Variants in LONP2 observed in about 807,000 individuals in gnomAD.
The protein encoded by LONP2 is lon protease homolog 2, peroxisomal.
LONP2 carries 60 observed loss-of-function variants against 85.6 expected under a neutral mutation model. The ratio of observed to expected loss-of-function variants is 0.70; its 90% CI spans 0.57 to 0.87. LONP2 has a LOEUF of 0.87. Ranked by LOEUF, LONP2 falls within the 40% of genes least tolerant of loss-of-function variation. LONP2 has a pLI of 0.00. For missense variants in LONP2, 860 were observed against 1,063.5 expected (o/e 0.81, Z 2.66); for synonymous variants, 395 against 389.7 (o/e 1.01, Z -0.16).
rs1960167261 is a variant in LONP2 at position 48,351,982 on chromosome 16, A to C, written c.*180A>C. On this transcript the variant is annotated 3_prime_UTR_variant, in exon 15 of 15. Transcript: ENST00000285737. ...GTATAGAAATATAAGATGTTGATTT[A>C]GTAAACTGATAAAAATCGAATTCTT... 3.3e-6 allele frequency: 2 copies of C among 601,232 alleles called. No homozygotes were observed. Among genetic ancestry groups the C allele is most frequent in the Admixed American group, 5.9e-5 (2 of 33,676 alleles). The allele number at this position is 601,232 out of a possible 1,614,324, so 37.2% of individuals were successfully genotyped here. A position where few individuals can be genotyped will look rare whatever the true frequency, so the allele number is the denominator to read the frequency against.
At chr16:48,287,103 G>A (rs935293626) in intron 8 of LONP2, among the ~76,000 whole-genome samples, 3 of 152,136 alleles carry the variant, frequency 2.0e-5, no homozygotes, top group Non-Finnish European at 4.4e-5. Flanking sequence ...TAAGTACCTG[G>A]ACAGTAGCTC....
intron 1 of LONP2, among the ~76,000 whole-genome samples, chr16:48,246,612 C>T (rs967282881): frequency 6.6e-6 from 1 of 152,116 alleles, no homozygotes; most frequent in Non-Finnish European, 1.5e-5. Flanking sequence ...ATTCTGTCTC[C>T]TCCGCTGAAG....
At chr16:48,250,693 T>G (rs1819511741) in intron 1 of LONP2, among the ~76,000 whole-genome samples, 1 of 152,222 alleles carries the variant, frequency 6.6e-6, no homozygotes, top group Admixed American at 6.5e-5. Flanking sequence ...GACTGTGAGC[T>G]CTTTCAGCAT....
intron 8 of LONP2, among the ~76,000 whole-genome samples, chr16:48,285,153 C>T (rs1305994263): frequency 6.6e-6 from 1 of 151,674 alleles, no homozygotes; most frequent in Admixed American, 6.6e-5. Context: ...TCAGCCCTTT[C>T]GCATGTCCTC....
intron 11 of LONP2, among the ~76,000 whole-genome samples, chr16:48,310,455 G>A (rs1288926555): frequency 2.6e-5 from 4 of 152,000 alleles, no homozygotes; most frequent in South Asian, 4.2e-4. Context: ...AAGTTCAAGC[G>A]ATTCCCTTGC....
intron 11 of LONP2, among the ~76,000 whole-genome samples, chr16:48,309,761 C>A (rs568554640): frequency 6.6e-6 from 1 of 151,720 alleles, no homozygotes; most frequent in African/African-American, 2.4e-5. Context: ...TGTGGCCTGA[C>A]GTTTGGTCTG....
chr16:48,256,428 T>A (rs574593791), intron 2 of LONP2, among the ~76,000 whole-genome samples, 182 bp from the exon 3 acceptor site: 8 of 152,372 alleles, frequency 5.3e-5, no homozygotes, highest in Admixed American at 4.6e-4. Context: ...TCATTCTGAT[T>A]GATGTTTTGA....
intron 2 of LONP2, among the ~76,000 whole-genome samples, chr16:48,254,810 G>C (rs770485412): frequency 3.9e-5 from 6 of 152,028 alleles, no homozygotes; most frequent in Non-Finnish European, 8.8e-5. Flanking sequence ...TTCTCCTTTA[G>C]CCATCCTGTA....
At chr16:48,263,725 G>C (rs1971924748) in intron 6 of LONP2, among the ~76,000 whole-genome samples, 1 of 152,206 alleles carries the variant, frequency 6.6e-6, no homozygotes, top group Non-Finnish European at 1.5e-5. Context: ...TTACCCAGAG[G>C]TGGCATTGCT....
At chr16:48,347,978 C>A in intron 13 of LONP2, 122 bp from the exon 14 acceptor site, 1 of 910,520 alleles carries the variant, frequency 1.1e-6, no homozygotes, top group Non-Finnish European at 1.7e-6. Context: ...TTGTACTGTC[C>A]ACCAATATTT....
intron 11 of LONP2, among the ~76,000 whole-genome samples, chr16:48,330,414 A>G (rs1482416655): frequency 1.3e-5 from 2 of 152,260 alleles, no homozygotes; most frequent in African/African-American, 2.4e-5. Flanking sequence ...GGGCAAGGCC[A>G]GCAATTAATC....
In LONP2 at chr16:48,348,301, A is replaced by G. The variant is rs774827140; in HGVS notation, c.2337+11A>G. The G allele has an allele frequency of 1.6e-5, 23 of 1,415,882 alleles. No individual in the cohort carries two copies. In the East Asian group the frequency reaches 6.1e-4, roughly 38 times the overall value. The allele number at this position is 1,415,882 out of a possible 1,614,324, so 87.7% of individuals were successfully genotyped here. A position where few individuals can be genotyped will look rare whatever the true frequency, so the allele number is the denominator to read the frequency against. ...GGTCTTGTTCTTCCAGTAAGTATGA[A>G]AAAACAATTTATATGGTTATTTTTT... On this transcript the variant is annotated intron_variant, in intron 14 of 14. Transcript: ENST00000285737.
At position 48,261,524 on chromosome 16, in the gene LONP2, A is replaced by G; in HGVS notation, c.824A>G (p.Lys275Arg). The change falls in exon 5 of 15, where the codon AAA (lysine) becomes AGA (arginine). Residue 275 changes from lysine (K) to arginine (R), a missense_variant. This residue lies in a region of LONP2 where 743 missense variants were observed against 917.3 expected (regional missense o/e 0.81). Coordinates refer to ENST00000285737, the MANE Select transcript of LONP2 (RefSeq NM_031490.5). ...EDNDDIVMLE[K>R]KIRTSSMPEQ... Reference sequence around the variant, plus strand: ...AATGATGACATTGTCATGCTAGAGAAAAAAATACGAACATCTAGTATGCCA... The same window carrying G: ...AATGATGACATTGTCATGCTAGAGAGAAAAATACGAACATCTAGTATGCCA... 2 of 1,608,404 alleles carry G rather than the reference A, an allele frequency of 1.2e-6. No homozygotes were observed. The highest frequency in any genetic ancestry group is 1.7e-6 in the Non-Finnish European group (2 of 1,177,380).
intron 7 of LONP2, among the ~76,000 whole-genome samples, chr16:48,271,964 C>G (rs1972114983): frequency 1.3e-5 from 2 of 152,256 alleles, no homozygotes; most frequent in East Asian, 1.9e-4. Context: ...CCTAAATCTT[C>G]TAATTTTAGC....
At chr16:48,267,984 A>C (rs1972026899) in intron 6 of LONP2, among the ~76,000 whole-genome samples, 1 of 152,216 alleles carries the variant, frequency 6.6e-6, no homozygotes, top group Non-Finnish European at 1.5e-5. Flanking sequence ...ACCGAAAACA[A>C]AAAGGAAAGC....
Position 48,356,855 on chromosome 16 carries a change from C to G in LONP2, c.*5053C>G, listed in dbSNP as rs967639106. On this transcript the variant is annotated 3_prime_UTR_variant, in exon 15 of 15. Transcript: ENST00000285737. ...ACTGTCAGCACATTTCTAGGCAATA[C>G]AAACTCTTGAGGCTAAATCCTCATC... The G allele has an allele frequency of 5.5e-5, 10 of 180,544 alleles. No homozygotes were observed. The highest frequency in any genetic ancestry group is 9.6e-5 in the Non-Finnish European group (8 of 83,764). 11.2% of individuals were successfully genotyped at this position (180,544 alleles called of 1,614,324 possible). A position where few individuals can be genotyped will look rare whatever the true frequency, so the allele number is the denominator to read the frequency against.
intron 8 of LONP2, among the ~76,000 whole-genome samples, chr16:48,294,111 A>G (rs1972617531): frequency 1.3e-5 from 2 of 150,626 alleles, no homozygotes; most frequent in Non-Finnish European, 3.0e-5. Context: ...TAATTTTTGT[A>G]TTTTTTTTTA....
chr16:48,294,500 G>C (rs1031278055), intron 8 of LONP2, among the ~76,000 whole-genome samples: 1 of 152,148 alleles, frequency 6.6e-6, no homozygotes, highest in Admixed American at 6.5e-5. Flanking sequence ...GCGTGGTAGC[G>C]CACGTCTGTA....
At chr16:48,280,576 A>G (rs1421504895) in intron 8 of LONP2, among the ~76,000 whole-genome samples, 2 of 152,200 alleles carry the variant, frequency 1.3e-5, no homozygotes, top group African/African-American at 4.8e-5. Context: ...ATTTATTAGC[A>G]TTCAAAAAAA....
Sources: allele counts gnomAD v4.1 joint callset (sites outside exome capture counted in the v4.1 genomes callset), GRCh38; gene constraint gnomAD v4.1.1; regional missense constraint gnomAD v4.1.1; transcripts MANE v1.5; gene names NCBI Gene and HGNC (gene_info 2026-07-23, HGNC 2026-07-21).